Variants in MARCHF4 observed in about 807,000 individuals in gnomAD.
MARCHF4 encodes membrane associated ring-CH-type finger 4, also known as E3 ubiquitin-protein ligase MARCHF4.
Under a neutral mutation model 43.9 loss-of-function variants are expected in MARCHF4, and 14 were observed. The observed-to-expected ratio is 0.32, with a 90% CI of 0.21 to 0.50. The LOEUF (loss-of-function observed/expected upper bound fraction) is 0.50, where lower values mean the gene tolerates loss of function less well. Among genes scored for constraint, MARCHF4 ranks in the 20% least tolerant of loss-of-function variants. The pLI, the probability that MARCHF4 is intolerant of heterozygous loss-of-function variation, is 0.98. For missense variants in MARCHF4, 468 were observed against 536.7 expected, an observed-to-expected ratio of 0.87 and a Z score of 1.27; for synonymous variants, 226 against 213.3, an observed-to-expected ratio of 1.06 and a Z score of -0.52.
chr2:216,327,958 A>G (rs1000854350), intron 1 of MARCHF4, among the ~76,000 whole-genome samples: 2 of 120,404 alleles, frequency 1.7e-5, no homozygotes, highest in African/African-American at 3.2e-5. Context: ...ATTAGCTTGC[A>G]AAAAAAAAAA....
At chr2:216,363,030 C>G (rs1178773786) in intron 1 of MARCHF4, among the ~76,000 whole-genome samples, 1 of 152,178 alleles carries the variant, frequency 6.6e-6, no homozygotes, top group Non-Finnish European at 1.5e-5. Context: ...CTCTCCCTCC[C>G]CCATCTCACA....
At chr2:216,357,422 G>A (rs1000470700) in intron 1 of MARCHF4, among the ~76,000 whole-genome samples, 1 of 152,172 alleles carries the variant, frequency 6.6e-6, no homozygotes, top group Non-Finnish European at 1.5e-5. Flanking sequence ...CTGGGTTCAA[G>A]CAATCCTCCC....
intron 1 of MARCHF4, among the ~76,000 whole-genome samples, chr2:216,352,040 C>A (rs2048403): frequency 0.28 from 41,998 of 152,014 alleles, 6,864 homozygotes; most frequent in East Asian, 0.53. Flanking sequence ...TTTTTTTTGG[C>A]TCTCTGTCCA....
chr2:216,265,303 G>A (rs919341127), intron 3 of MARCHF4, among the ~76,000 whole-genome samples: 1 of 152,112 alleles, frequency 6.6e-6, no homozygotes, highest in Non-Finnish European at 1.5e-5. Context: ...CCAACCCTGG[G>A]CTGTATTTGT....
chr2:216,274,974 C>A lies in MARCHF4; in HGVS notation c.865+2698G>T, dbSNP rs768230612. The stretch of plus-strand genomic sequence containing the variant: ...CACCACTTTTGGATGACACTGAAAG[C>A]AAGTAGGGTCCCTCTGCATTCCCTC... On this transcript the variant is annotated intron_variant, in intron 3 of 3. Coordinates refer to ENST00000273067, the MANE Select transcript of MARCHF4 (RefSeq NM_020814.3). 2.0e-5 allele frequency among the ~76,000 whole-genome samples: 3 copies of A among 152,310 alleles called. No homozygotes were observed. In the South Asian group the frequency reaches 6.2e-4, roughly 32 times the overall value.
At chr2:216,345,694 C>T (rs1692308685) in intron 1 of MARCHF4, among the ~76,000 whole-genome samples, 1 of 152,158 alleles carries the variant, frequency 6.6e-6, no homozygotes, top group South Asian at 2.1e-4. Flanking sequence ...CCCTTTGCTG[C>T]TCAAAGTGTG....
chr2:216,269,340 G>A (rs1287194625), intron 3 of MARCHF4, among the ~76,000 whole-genome samples: 1 of 152,144 alleles, frequency 6.6e-6, no homozygotes, highest in Non-Finnish European at 1.5e-5. Context: ...TTTGCTGGGA[G>A]GCTCTGTCAG....
At chr2:216,348,329 G>A (rs894053070) in intron 1 of MARCHF4, among the ~76,000 whole-genome samples, 3 of 152,066 alleles carry the variant, frequency 2.0e-5, no homozygotes, top group Non-Finnish European at 2.9e-5. Flanking sequence ...ATGAGCCACC[G>A]TGCCTGGCCG....
chr2:216,368,782 C>A (rs1034019495), intron 1 of MARCHF4, among the ~76,000 whole-genome samples: 1 of 152,194 alleles, frequency 6.6e-6, no homozygotes, highest in Admixed American at 6.5e-5. Flanking sequence ...ACTGCGTGAG[C>A]CTTTCTATCT....
intron 3 of MARCHF4, among the ~76,000 whole-genome samples, chr2:216,271,823 C>G (rs1375033195): frequency 6.6e-6 from 1 of 152,002 alleles, no homozygotes; most frequent in Admixed American, 6.6e-5. Context: ...CATGGTCTTA[C>G]TGTGTCACCC....
At chr2:216,335,925 G>C (rs367912109) in intron 1 of MARCHF4, among the ~76,000 whole-genome samples, 1 of 151,806 alleles carries the variant, frequency 6.6e-6, no homozygotes, top group East Asian at 1.9e-4. Context: ...AAAATTAGCT[G>C]GGCATGGTGG....
intron 2 of MARCHF4, among the ~76,000 whole-genome samples, chr2:216,282,456 G>T (rs1050797805): frequency 2.6e-5 from 4 of 152,038 alleles, no homozygotes; most frequent in African/African-American, 7.2e-5. Flanking sequence ...CCCCTCCTGG[G>T]CTTTCAGGAC....
intron 3 of MARCHF4, among the ~76,000 whole-genome samples, chr2:216,276,011 G>T (rs1691016678): frequency 6.6e-6 from 1 of 152,220 alleles, no homozygotes; most frequent in Non-Finnish European, 1.5e-5. Context: ...AACCTCAGCA[G>T]AACCAAAGCC....
intron 1 of MARCHF4, among the ~76,000 whole-genome samples, chr2:216,295,364 C>T (rs903559559): frequency 1.3e-5 from 2 of 152,230 alleles, no homozygotes; most frequent in Non-Finnish European, 1.5e-5. Context: ...TGGGCTTAAG[C>T]TATCCTCCCG....
Position 216,362,417 on chromosome 2 carries a change from C to T in MARCHF4, c.516+7328G>A, listed in dbSNP as rs368484734. On this transcript the variant is annotated intron_variant, in intron 1 of 3. Transcript: ENST00000273067. ...AATGAGTACCTACTGTATGCAGAGC[C>T]CTATGCTAGCCACTGGGGTGGCTTC... is the stretch of plus-strand genomic sequence containing the variant. Among the ~76,000 whole-genome samples, 28 of 152,276 alleles carry T rather than the reference C, an allele frequency of 1.8e-4. No individual in the cohort carries two copies. The East Asian group carries it at 3.7e-3, about 20-fold the overall frequency.
chr2:216,357,838 T>C (rs1381683177), intron 1 of MARCHF4, among the ~76,000 whole-genome samples: 1 of 152,192 alleles, frequency 6.6e-6, no homozygotes, highest in Non-Finnish European at 1.5e-5. Flanking sequence ...TTTTGAAAAA[T>C]AGTAAGTATA....
At chr2:216,269,267 A>G (rs1005758689) in intron 3 of MARCHF4, among the ~76,000 whole-genome samples, 5 of 152,142 alleles carry the variant, frequency 3.3e-5, no homozygotes, top group Admixed American at 6.5e-5. Context: ...CAAAGCCCTT[A>G]ATTAATTTGC....
intron 1 of MARCHF4, among the ~76,000 whole-genome samples, chr2:216,329,421 A>G (rs1262269472): frequency 6.6e-6 from 1 of 152,148 alleles, no homozygotes; most frequent in Non-Finnish European, 1.5e-5. Context: ...ACCCTGAGGT[A>G]GTTGACAGGT....
chr2:216,278,264 C>T (rs186352494), intron 2 of MARCHF4, among the ~76,000 whole-genome samples: 8 of 152,276 alleles, frequency 5.3e-5, no homozygotes, highest in Admixed American at 2.6e-4. Flanking sequence ...TTTGCTCTGT[C>T]GCCGGCTGGA....
Sources: gnomAD v4.1 joint callset for allele counts (sites outside exome capture counted in the v4.1 genomes callset) on GRCh38, gnomAD v4.1.1 for gene constraint, MANE v1.5 for transcripts, NCBI Gene and HGNC (gene_info 2026-07-23, HGNC 2026-07-21) for gene names.